The following CEP72 variants were observed in gnomAD, a reference collection of about 807,000 sequenced individuals.
CEP72 encodes centrosomal protein of 72 kDa.
A neutral mutation model predicts 65.7 loss-of-function variants in CEP72; 78 were observed. The observed-to-expected ratio is 1.19, with a 90% CI of 0.99 to 1.43. CEP72 has a LOEUF of 1.43. Among genes scored for constraint, CEP72 ranks in the 40% most tolerant of loss-of-function variants. The probability of loss-of-function intolerance (pLI) is 0.00; values close to 1 mark genes in which losing one functional copy is unlikely to be tolerated. For synonymous variants in CEP72, 358 were observed against 351.7 expected, an observed-to-expected ratio of 1.02 and a Z score of -0.20; for missense variants, 914 against 832.9, an observed-to-expected ratio of 1.10 and a Z score of -1.20.
At chr5:644,099 C>T in intron 9 of CEP72, 200 bp from the exon 10 acceptor site, 1 of 572,664 alleles carries the variant, frequency 1.7e-6, no homozygotes, top group Non-Finnish European at 3.1e-6. Flanking sequence ...CTTCCCCCCT[C>T]CCCTGAGGGT....
chr5:627,918 C>T (rs909160878), intron 4 of CEP72, among the ~76,000 whole-genome samples: 9 of 152,220 alleles, frequency 5.9e-5, no homozygotes, highest in African/African-American at 1.4e-4. Flanking sequence ...CCGCCATTCA[C>T]GCTGCTGACC....
chr5:625,937 A>G (rs1736727620), intron 4 of CEP72, among the ~76,000 whole-genome samples: 1 of 151,648 alleles, frequency 6.6e-6, no homozygotes. Flanking sequence ...ATCAGGGCCC[A>G]CCTTAATGGC....
chr5:641,093 C>T (rs1737983499), intron 9 of CEP72: 2 of 985,342 alleles, frequency 2.0e-6, no homozygotes, highest in African/African-American at 1.7e-5. Context: ...AGGCTCAGCT[C>T]AGCCAGGCTC....
At chr5:643,481 A>G (rs143550938) in intron 9 of CEP72, 21 of 985,356 alleles carry the variant, frequency 2.1e-5, no homozygotes, top group Non-Finnish European at 2.4e-5. Flanking sequence ...TGGCGGGTGC[A>G]TGCATGCTGA....
chr5:650,448 G>T (rs1738937151), intron 11 of CEP72, among the ~76,000 whole-genome samples: 1 of 76,600 alleles, frequency 1.3e-5, no homozygotes, highest in Non-Finnish European at 2.5e-5. Flanking sequence ...ACTGAGGTGT[G>T]ACTGTGAGGC....
intron 2 of CEP72, 147 bp from the exon 3 acceptor site, chr5:619,922 T>C (rs1736272810): frequency 2.9e-6 from 2 of 679,568 alleles, no homozygotes; most frequent in Non-Finnish European, 4.9e-6. Context: ...GATGAGAACG[T>C]TTCATTTTTC....
the CEP72 span, among the ~76,000 whole-genome samples, chr5:672,901 A>G: frequency 6.6e-6 from 1 of 152,272 alleles, no homozygotes; most frequent in Admixed American, 6.5e-5. Context: ...TAGTAACATC[A>G]AAACAAACAA....
At chr5:626,580 G>T (rs148174789) in intron 4 of CEP72, among the ~76,000 whole-genome samples, 2,790 of 152,314 alleles carry the variant, frequency 0.018, 85 homozygotes, top group African/African-American at 0.063. Flanking sequence ...AGTGCTTTGG[G>T]AGGCCAAGGT....
the CEP72 span, among the ~76,000 whole-genome samples, chr5:672,501 T>C: frequency 2.6e-5 from 4 of 152,246 alleles, no homozygotes; most frequent in Non-Finnish European, 5.9e-5. Flanking sequence ...CTCCTTCCTC[T>C]GCCTCATCGG....
chr5:643,011 T>C (rs1162160348), intron 9 of CEP72: 2 of 985,310 alleles, frequency 2.0e-6, no homozygotes, highest in African/African-American at 3.5e-5. Flanking sequence ...CCAGCTTGGG[T>C]GCAGTCGGTC....
At position 645,218 on chromosome 5, in the gene CEP72, G is replaced by A. The variant is rs1427146736; in HGVS notation, c.1666+793G>A. 6.6e-6 allele frequency among the ~76,000 whole-genome samples: 1 copy of A among 152,148 alleles called. No homozygotes were observed. Among genetic ancestry groups the A allele is most frequent in the African/African-American group, 2.4e-5 (1 of 41,410 alleles). The stretch of plus-strand genomic sequence containing the variant: ...CCAACCAGCGGTGGCCTTTGCGGCA[G>A]GGAGGCAGCTGTGGATGAGGCCTGT... On this transcript the variant is annotated intron_variant, in intron 10 of 11. Coordinates refer to ENST00000264935, the MANE Select transcript of CEP72 (RefSeq NM_018140.4). The surrounding 1 kb of genome is among the most constrained non-coding windows in gnomAD (Gnocchi z 4.0).
chr5:664,866 G>A, intron 2 of CEP72: 1 of 551,852 alleles, frequency 1.8e-6, no homozygotes, highest in Non-Finnish European at 3.2e-6. Flanking sequence ...TGAGGACGAG[G>A]CAGGTGTATT....
intron 11 of CEP72, among the ~76,000 whole-genome samples, chr5:651,057 T>C (rs62650532): frequency 0.014 from 412 of 28,676 alleles, no homozygotes; most frequent in Non-Finnish European, 0.017. Context: ...GACTGTGAGG[T>C]GTGGACTGTG....
At chr5:619,315 G>A (rs772001048) in intron 2 of CEP72, among the ~76,000 whole-genome samples, 198 bp downstream of exon 2, 3 of 152,180 alleles carry the variant, frequency 2.0e-5, no homozygotes, top group Admixed American at 6.5e-5. Flanking sequence ...CTCTGATGAC[G>A]ATGATTATAT....
At position 639,105 on chromosome 5, in the gene CEP72, A is replaced by T. The variant is rs550397083; in HGVS notation, c.1223A>T (p.His408Leu). The change falls in exon 8 of 12, where the codon CAC becomes CTC. Residue 408 changes from histidine to leucine, a missense_variant. Transcript: ENST00000264935. ...TDTREPSPGS[H>L]SALPGKKTAL... ...CCATCACAGCCGTCTCCCGGGTCAC[A>T]CTCGGCTCTACCCGGGAAGAAGACG... 1.9e-6 allele frequency: 3 copies of T among 1,613,212 alleles called. No individual in the cohort carries two copies. In the South Asian group the frequency reaches 3.3e-5, roughly 18 times the overall value.
intron 1 of CEP72, 67 bp downstream of exon 1, chr5:612,510 G>C: frequency 7.5e-7 from 1 of 1,338,174 alleles, no homozygotes. Context: ...AGCTTCCCGG[G>C]GCGGCGGCGG....
At chr5:629,789 G>A (rs1737098145) in intron 4 of CEP72, among the ~76,000 whole-genome samples, 1 of 63,916 alleles carries the variant, frequency 1.6e-5, no homozygotes, top group African/African-American at 1.5e-4. Flanking sequence ...TCCTGGTGGG[G>A]TTCTGTCCAG....
At chr5:658,342 C>T (rs1233290860), downstream of CEP72, among the ~76,000 whole-genome samples, 1 of 152,258 alleles carries the variant, frequency 6.6e-6, no homozygotes, top group Non-Finnish European at 1.5e-5. Context: ...CCTGAGGCCT[C>T]CCGGCCTCCT....
chr5:675,972 C>G, the CEP72 span: 4 of 152,240 alleles, frequency 2.6e-5, no homozygotes, highest in East Asian at 7.7e-4. Flanking sequence ...AAGGATGAGA[C>G]CAGCTCGCAC....
Sources: gnomAD v4.1 joint callset for allele counts (sites outside exome capture counted in the v4.1 genomes callset) on GRCh38, gnomAD v4.1.1 for gene constraint, Gnocchi (gnomAD v3.1) non-coding constraint, MANE v1.5 for transcripts, NCBI Gene and HGNC (gene_info 2026-07-23, HGNC 2026-07-21) for gene names.